The following NEK10 variants were observed in gnomAD, a reference collection of about 807,000 sequenced individuals.
NEK10 encodes the protein serine/threonine-protein kinase Nek10.
In NEK10, 122 loss-of-function variants were observed where a neutral mutation model predicts 159.8. The observed-to-expected ratio is 0.76, with a 90% CI of 0.66 to 0.89. The LOEUF (loss-of-function observed/expected upper bound fraction) is 0.89. Ranked by LOEUF, NEK10 falls within the 40% of genes least tolerant of loss-of-function variation. NEK10 has a pLI of 0.00. For missense variants in NEK10, 1,342 were observed against 1,323.1 expected (o/e 1.01, Z -0.22); for synonymous variants, 466 against 457.1 (o/e 1.02, Z -0.25).
intron 10 of NEK10, among the ~76,000 whole-genome samples, chr3:27,308,191 G>A (rs1404204858): frequency 6.6e-6 from 1 of 152,100 alleles, no homozygotes; most frequent in African/African-American, 2.4e-5. Context: ...CCGAGCCAAG[G>A]GGGAAGAGCC....
intron 5 of NEK10, among the ~76,000 whole-genome samples, chr3:27,330,126 G>T (rs572234631): frequency 7.3e-5 from 10 of 137,336 alleles, no homozygotes; most frequent in Middle Eastern, 7.1e-3. Flanking sequence ...CAGAACCCTT[G>T]GATATCAAGG....
chr3:27,191,644 A>G (rs1016009470), intron 26 of NEK10, among the ~76,000 whole-genome samples: 6 of 152,250 alleles, frequency 3.9e-5, no homozygotes, highest in Non-Finnish European at 8.8e-5. Flanking sequence ...AAAATTTTAA[A>G]GGCAAATGTT....
chr3:27,201,948 C>A (rs1950087568), intron 24 of NEK10, among the ~76,000 whole-genome samples: 1 of 151,768 alleles, frequency 6.6e-6, no homozygotes, highest in Non-Finnish European at 1.5e-5. Context: ...TACCTGAGGT[C>A]AGGAGTTCAA....
In NEK10 at chr3:27,352,808, T is replaced by A; in HGVS notation, c.71+4A>T. ...CAATTAGCAAACACTCAGTAGGGAG[T>A]TACCTGATGGTGATTTCTTGCTGTT... On this transcript the variant is annotated splice_donor_region_variant and intron_variant, in intron 2 of 35. Coordinates refer to ENST00000691995, the MANE Select transcript of NEK10 (RefSeq NM_001394966.1). 1 of 1,596,204 alleles carries A rather than the reference T, an allele frequency of 6.3e-7. No homozygotes were observed. The highest frequency in any genetic ancestry group is 8.6e-7 in the Non-Finnish European group (1 of 1,164,008).
At chr3:27,213,326 T>C (rs1030322194) in intron 23 of NEK10, among the ~76,000 whole-genome samples, 3 of 152,206 alleles carry the variant, frequency 2.0e-5, no homozygotes, top group African/African-American at 7.2e-5. Context: ...AGAGAGGAAC[T>C]TTAAGTCACA....
intron 16 of NEK10, among the ~76,000 whole-genome samples, chr3:27,293,349 G>A (rs1039091412): frequency 7.2e-5 from 11 of 152,202 alleles, no homozygotes; most frequent in Non-Finnish European, 1.6e-4. Context: ...ATTAAGGGGA[G>A]TTGTATTGAT....
At chr3:27,130,014 C>T (rs1942423578) in intron 32 of NEK10, among the ~76,000 whole-genome samples, 1 of 152,038 alleles carries the variant, frequency 6.6e-6, no homozygotes, top group South Asian at 2.1e-4. Context: ...AGAGGATACA[C>T]CCCCATGAAG....
intron 31 of NEK10, among the ~76,000 whole-genome samples, chr3:27,138,543 C>T (rs1015937922): frequency 2.6e-5 from 4 of 152,122 alleles, no homozygotes; most frequent in Non-Finnish European, 4.4e-5. Flanking sequence ...TTTCTCTTCC[C>T]CTCCCTAGTA....
intron 14 of NEK10, 128 bp from the exon 15 acceptor site, chr3:27,295,818 GT>G: frequency 8.1e-7 from 1 of 1,235,664 alleles, no homozygotes; most frequent in Non-Finnish European, 1.1e-6. Flanking sequence ...GGACCTTGAA[GT>G]AAACATTACA....
At chr3:27,249,048 G>C (rs1955393578) in intron 23 of NEK10, among the ~76,000 whole-genome samples, 1 of 152,186 alleles carries the variant, frequency 6.6e-6, no homozygotes, top group African/African-American at 2.4e-5. Context: ...TGTCAAGGGA[G>C]AGACCAGGTG....
intron 31 of NEK10, among the ~76,000 whole-genome samples, chr3:27,136,528 G>C (rs1012547897): frequency 6.6e-6 from 1 of 152,160 alleles, no homozygotes. Context: ...CTGTGCAGGT[G>C]TGACCTAAGC....
rs150019658 is a variant in NEK10 at position 27,202,446 on chromosome 3, C to T, written c.2202G>A (p.Met734Ile). The change falls in exon 24 of 36, where the codon ATG becomes ATA. Residue 734 changes from methionine (M) to isoleucine (I), a missense_variant. Transcript: ENST00000691995. ...TGCTTACTTTTGTAGCCAAGGACAGCATGTTAGTGCTGTAGAAGGGGGGAC... is the reference window on the plus strand; with the variant it reads ...TGCTTACTTTTGTAGCCAAGGACAGTATGTTAGTGCTGTAGAAGGGGGGAC... ...TLSPPFYSTN[M>I]LSLATKIVEA... The T allele has an allele frequency of 6.2e-7, 1 of 1,612,590 alleles. No individual in the cohort carries two copies. Among genetic ancestry groups the T allele is most frequent in the East Asian group, 2.2e-5 (1 of 44,808 alleles).
chr3:27,255,781 A>G (rs1344633894), intron 23 of NEK10, among the ~76,000 whole-genome samples: 2 of 152,222 alleles, frequency 1.3e-5, no homozygotes, highest in Non-Finnish European at 2.9e-5. Flanking sequence ...ACATATGTCT[A>G]AGTATACATA....
At chr3:27,350,976 A>G (rs187498956) in intron 3 of NEK10, among the ~76,000 whole-genome samples, 72 of 152,294 alleles carry the variant, frequency 4.7e-4, no homozygotes, top group African/African-American at 1.7e-3. Context: ...AGTGAACCAG[A>G]GGCAAAAGTC....
Position 27,177,812 on chromosome 3 carries a change from T to C in NEK10, c.2506-2979A>G, listed in dbSNP as rs548155955. On this transcript the variant is annotated intron_variant, in intron 26 of 35. Transcript: ENST00000691995. ...ACATAGCAAAGGCTCAATAAATAGT[T>C]GAGCCATTAAGTTGTCCTCAGAAGA... Among the ~76,000 whole-genome samples the C allele has an allele frequency of 2.6e-5, 4 of 152,294 alleles. No homozygotes were observed. The South Asian group carries it at 8.3e-4, about 32-fold the overall frequency.
At chr3:27,365,610 G>GTTTTTTTTTTTTTTTTTTTT (rs71091129) in intron 1 of NEK10, among the ~76,000 whole-genome samples, 4 of 99,106 alleles carry the variant, frequency 4.0e-5, no homozygotes, top group South Asian at 3.7e-4. Context: ...TTTTTTTTGT[G>GTTTTTTTTTTTTTTTTTTTT]TTTTTTTTTT....
At chr3:27,275,390 C>A (rs780426925) in intron 22 of NEK10, among the ~76,000 whole-genome samples, 1 of 152,168 alleles carries the variant, frequency 6.6e-6, no homozygotes, top group African/African-American at 2.4e-5. Context: ...GATAACTTGA[C>A]AAAAATATTC....
chr3:27,248,158 G>T (rs1955281394), intron 23 of NEK10, among the ~76,000 whole-genome samples: 2 of 152,106 alleles, frequency 1.3e-5, no homozygotes, highest in African/African-American at 4.8e-5. Flanking sequence ...TTGGCACATA[G>T]TTGTTCGTGG....
chr3:27,171,544 C>T (rs1394150797), intron 29 of NEK10, among the ~76,000 whole-genome samples: 2 of 152,098 alleles, frequency 1.3e-5, no homozygotes, highest in Admixed American at 1.3e-4. Flanking sequence ...AGCTGCCCTA[C>T]CCCGCCGGCC....
Sources: gnomAD v4.1 joint callset for allele counts (sites outside exome capture counted in the v4.1 genomes callset) on GRCh38, gnomAD v4.1.1 for gene constraint, MANE v1.5 for transcripts, NCBI Gene and HGNC (gene_info 2026-07-23, HGNC 2026-07-21) for gene names.